ACTN3: variants seen among roughly 807,000 people sequenced by gnomAD.
ACTN3 encodes the protein actinin alpha 3, also known as alpha-actinin-3.
A neutral mutation model predicts 119.6 loss-of-function variants in ACTN3; 91 were observed. That is an observed-to-expected ratio of 0.76 (90% confidence interval 0.64 to 0.91). ACTN3 has a LOEUF of 0.91. Ranked by LOEUF, ACTN3 falls within the 40% of genes least tolerant of loss-of-function variation. The probability of loss-of-function intolerance (pLI) is 0.00; values close to 1 mark genes in which losing one functional copy is unlikely to be tolerated. For synonymous variants in ACTN3, 456 were observed against 478.8 expected (o/e 0.95, Z 0.62); for missense variants, 1,221 against 1,215.1 (o/e 1.00, Z -0.07).
intron 1 of ACTN3, among the ~76,000 whole-genome samples, chr11:66,550,168 T>C (rs1178813125): frequency 6.6e-6 from 1 of 152,140 alleles, no homozygotes; most frequent in African/African-American, 2.4e-5. Flanking sequence ...TAGATTCTGA[T>C]CCTTTAATTA....
At chr11:66,549,323 GA>G in intron 1 of ACTN3, among the ~76,000 whole-genome samples, 1 of 152,296 alleles carries the variant, frequency 6.6e-6, no homozygotes, top group Non-Finnish European at 1.5e-5. Context: ...AGGGGACCCT[GA>G]TCCGCAGCGT....
intron 5 of ACTN3, 79 bp from the exon 6 acceptor site, chr11:66,555,051 T>C: frequency 7.7e-7 from 1 of 1,301,772 alleles, no homozygotes; most frequent in Non-Finnish European, 1.1e-6. Flanking sequence ...GCTGTCCTTC[T>C]GGGGGGTGCT....
chr11:66,547,538 G>T (rs537007292), intron 1 of ACTN3, among the ~76,000 whole-genome samples: 1 of 152,224 alleles, frequency 6.6e-6, no homozygotes, highest in Admixed American at 6.5e-5. Context: ...CTCGTCTCCA[G>T]GGTGGGGTCC....
intron 14 of ACTN3, 97 bp downstream of exon 14, chr11:66,560,408 G>A: frequency 6.6e-7 from 1 of 1,505,046 alleles, no homozygotes; most frequent in Non-Finnish European, 8.9e-7. Context: ...ATAGGGATGG[G>A]AGGAAAACCC....
intron 15 of ACTN3, 137 bp from the exon 16 acceptor site, chr11:66,561,090 C>T: frequency 4.8e-6 from 6 of 1,256,494 alleles, no homozygotes; most frequent in Non-Finnish European, 6.4e-6. Flanking sequence ...AGTGACTTGC[C>T]CAAGAGCTTT....
chr11:66,559,232 G>A lies in ACTN3; in HGVS notation c.1277-4G>A. 4.0e-6 allele frequency: 6 copies of A among 1,510,368 alleles called. No homozygotes were observed. The highest frequency in any genetic ancestry group is 4.4e-6 in the Non-Finnish European group (5 of 1,127,170). 93.6% of individuals were successfully genotyped at this position (1,510,368 alleles called of 1,614,324 possible). A position where few individuals can be genotyped will look rare whatever the true frequency, so the allele number is the denominator to read the frequency against. ...GTGACCGGAGCCGGCATCTCTTTGA[G>A]CAGGAAAGGAGGAGATGCTGAGCCA... On this transcript the variant is annotated splice_region_variant and splice_polypyrimidine_tract_variant and intron_variant, in intron 11 of 20. Transcript: ENST00000513398.
intron 1 of ACTN3, among the ~76,000 whole-genome samples, chr11:66,548,379 C>A (rs1857407623): frequency 6.6e-6 from 1 of 152,100 alleles, no homozygotes; most frequent in South Asian, 2.1e-4. Context: ...CCACCCGGGC[C>A]TCTCCGAGAT....
chr11:66,560,040 G>T lies in ACTN3; in HGVS notation c.1500G>T (p.Leu500=). 6.2e-7 allele frequency: 1 copy of T among 1,604,218 alleles called. No homozygotes were observed. Among genetic ancestry groups the T allele is most frequent in the Non-Finnish European group, 8.5e-7 (1 of 1,177,036 alleles). ...CCATCTGCGATCAGTGGGACAACCT[G>T]GGCACCCTGACCCAGAAGAGGCGGG... ...CQAICDQWDN[L]GTLTQKRRDA... Residue 500 remains leucine, a synonymous_variant, in exon 13 of 21, where the codon CTG becomes CTT. Coordinates refer to ENST00000513398, the MANE Select transcript of ACTN3 (RefSeq NM_001104.4).
intron 11 of ACTN3, 80 bp downstream of exon 11, chr11:66,558,254 G>A: frequency 6.4e-7 from 1 of 1,571,100 alleles, no homozygotes; most frequent in Non-Finnish European, 8.6e-7. Context: ...GAGGTTCTTG[G>A]CAAAATGCAC....
chr11:66,562,309 T>C lies in ACTN3; in HGVS notation c.2375T>C (p.Met792Thr). The change falls in exon 19 of 21, where the codon ATG becomes ACG. Residue 792 changes from methionine to threonine, a missense_variant. Met to Thr is a moderately conservative substitution (Grantham distance 81). Coordinates refer to ENST00000513398, the MANE Select transcript of ACTN3 (RefSeq NM_001104.4). The stretch of plus-strand genomic sequence containing the variant: ...GACTTCCGAGCTTGCCTCATCTCCA[T>C]GGGCTATGACCTGGTGAGAGCTCCC... ...PDDFRACLIS[M>T]GYDLGEVEFA... is the part of the protein sequence containing the mutation. 2 of 1,613,094 alleles carry C rather than the reference T, an allele frequency of 1.2e-6. No individual in the cohort carries two copies. Among genetic ancestry groups the C allele is most frequent in the Non-Finnish European group, 8.5e-7 (1 of 1,179,846 alleles).
In ACTN3 at chr11:66,561,276, C is replaced by T. The variant is rs1354994179; in HGVS notation, c.1910C>T (p.Ala637Val). The T allele has an allele frequency of 6.2e-7, 1 of 1,604,096 alleles. No homozygotes were observed. The highest frequency in any genetic ancestry group is 8.5e-7 in the Non-Finnish European group (1 of 1,176,434). ...SCDQTLQEEL[A>V]RQQVNERLRR... ...GACCAGACACTGCAGGAGGAGCTGG[C>T]ACGGCAGCAGGTAAACGAGAGGCTC... is the stretch of plus-strand genomic sequence containing the variant. Residue 637 changes from alanine (A) to valine (V), a missense_variant, in exon 16 of 21, where the codon GCA becomes GTA. By Grantham distance (64) the Ala-to-Val change is moderately conservative. Transcript: ENST00000513398.
At chr11:66,546,593 C>T, upstream of ACTN3, 1 of 1,535,622 alleles carries the variant, frequency 6.5e-7, no homozygotes, top group Non-Finnish European at 8.7e-7. Context: ...CTAGAGCGGC[C>T]CGCGGCCACT....
chr11:66,548,070 T>C (rs919261792), intron 1 of ACTN3, among the ~76,000 whole-genome samples: 2 of 152,154 alleles, frequency 1.3e-5, no homozygotes, highest in African/African-American at 4.8e-5. Context: ...CAACACTGTA[T>C]GACTCCAGGA....
chr11:66,559,051 G>A, intron 11 of ACTN3, 185 bp from the exon 12 acceptor site: 1 of 503,344 alleles, frequency 2.0e-6, no homozygotes, highest in Non-Finnish European at 3.2e-6. Flanking sequence ...TGTCATTTGC[G>A]GATCACGCCA....
chr11:66,555,075 G>A, intron 5 of ACTN3, 55 bp from the exon 6 acceptor site: 1 of 1,550,620 alleles, frequency 6.4e-7, no homozygotes, highest in Non-Finnish European at 8.9e-7. Flanking sequence ...GGGCCGAGGG[G>A]AGAACGGGGC....
rs745579250 is a variant in ACTN3, at chr11:66,551,337, C to T, written c.246C>T (p.Leu82=). Reference sequence around the variant, plus strand: ...GCAATGGCCTCAAACTCATGCTGCTCCTGGAGGTCATTTCAGGTGAGGATG... The same window carrying T: ...GCAATGGCCTCAAACTCATGCTGCTTCTGGAGGTCATTTCAGGTGAGGATG... ...DFRNGLKLML[L]LEVISGERLP... The change falls in exon 2 of 21, where the codon CTC becomes CTT. Residue 82 remains leucine (L), a synonymous_variant. Coordinates refer to ENST00000513398, the MANE Select transcript of ACTN3 (RefSeq NM_001104.4). The T allele has an allele frequency of 1.2e-6, 2 of 1,607,522 alleles. No homozygotes were observed. The highest frequency in any genetic ancestry group is 1.1e-5 in the South Asian group (1 of 89,752).
chr11:66,554,398 C>T (rs1031995069), intron 4 of ACTN3, 138 bp from the exon 5 acceptor site: 29 of 685,126 alleles, frequency 4.2e-5, no homozygotes, highest in Non-Finnish European at 6.4e-5. Flanking sequence ...GTTGAGGCTG[C>T]GGTGAGCCAT....
At chr11:66,556,561 C>G (rs919788124) in intron 8 of ACTN3, among the ~76,000 whole-genome samples, 2 of 152,114 alleles carry the variant, frequency 1.3e-5, no homozygotes, top group African/African-American at 4.8e-5. Flanking sequence ...CTCAGCCTCC[C>G]CAGTAGCTGG....
chr11:66,561,278 C>G lies in ACTN3; in HGVS notation c.1912C>G (p.Arg638Gly), dbSNP rs537021714. The G allele has an allele frequency of 6.2e-7, 1 of 1,604,674 alleles. No individual in the cohort carries two copies. Among genetic ancestry groups the G allele is most frequent in the Non-Finnish European group, 8.5e-7 (1 of 1,176,734 alleles). The change falls in exon 16 of 21, where the codon CGG becomes GGG. Residue 638 changes from arginine (R) to glycine (G), a missense_variant. By Grantham distance (125) the Arg-to-Gly change is moderately radical (BLOSUM62 -2). Around this residue, in one of 3 missense-constraint regions of ACTN3, gnomAD observed 934 missense variants for 899.9 expected, o/e 1.04. Coordinates refer to ENST00000513398, the MANE Select transcript of ACTN3 (RefSeq NM_001104.4). ...CDQTLQEELA[R>G]QQVNERLRRQ... ...CCAGACACTGCAGGAGGAGCTGGCA[C>G]GGCAGCAGGTAAACGAGAGGCTCCG...
Sources: gnomAD v4.1 joint callset for allele counts (sites outside exome capture counted in the v4.1 genomes callset) on GRCh38, gnomAD v4.1.1 for gene constraint, gnomAD v4.1.1 regional missense constraint, MANE v1.5 for transcripts, NCBI Gene and HGNC (gene_info 2026-07-23, HGNC 2026-07-21) for gene names.